UPB1: variants seen among roughly 807,000 people sequenced by gnomAD.
UPB1 encodes the protein beta-ureidopropionase.
Under a neutral mutation model 49.1 loss-of-function variants are expected in UPB1, and 40 were observed. The ratio of observed to expected loss-of-function variants is 0.81; its 90% CI spans 0.63 to 1.06. UPB1 has a LOEUF of 1.06. Ranked by LOEUF, UPB1 falls within the 50% of genes least tolerant of loss-of-function variation. The pLI, the probability that UPB1 is intolerant of heterozygous loss-of-function variation, is 0.00. For missense variants in UPB1, 499 were observed against 505.9 expected (o/e 0.99, Z 0.13); for synonymous variants, 207 against 198.2 (o/e 1.04, Z -0.38).
chr22:24,509,896 C>T (rs961153369), intron 3 of UPB1, among the ~76,000 whole-genome samples: 1 of 152,204 alleles, frequency 6.6e-6, no homozygotes, highest in African/African-American at 2.4e-5. Context: ...ATTATCCCCT[C>T]TTCTGGCCTC....
chr22:24,495,463 C>G lies in UPB1; in HGVS notation c.60C>G (p.Pro20=). The G allele has an allele frequency of 6.2e-7, 1 of 1,614,062 alleles. No homozygotes were observed. The highest frequency in any genetic ancestry group is 1.3e-5 in the African/African-American group (1 of 75,066). The change falls in exon 1 of 10, where the codon CCC becomes CCG. Residue 20 remains proline (P), a synonymous_variant. Transcript: ENST00000326010. ...EECLEKHLPL[P]DLQEVKRVLY... is the part of the protein sequence containing the mutation. ...GCTTGGAGAAGCACCTGCCGCTCCC[C>G]GACTTGCAGGAAGTGAAGCGCGTTC...
intron 7 of UPB1, 87 bp from the exon 8 acceptor site, chr22:24,521,899 T>TGCCCTGCTC (rs2044400229): frequency 2.1e-6 from 3 of 1,409,856 alleles, no homozygotes; most frequent in East Asian, 4.6e-5. Context: ...TCGGCCTGAT[T>TGCCCTGCTC]GCCCTGCTCA....
chr22:24,508,507 C>T (rs2044132954), intron 3 of UPB1, among the ~76,000 whole-genome samples: 1 of 151,416 alleles, frequency 6.6e-6, no homozygotes, highest in South Asian at 2.1e-4. Flanking sequence ...TGCAATGAGC[C>T]AAGATCGTGC....
rs151273647 is a variant in UPB1 at position 24,510,792 on chromosome 22, A to G, written c.408A>G (p.Thr136=). 21 of 1,614,126 alleles carry G rather than the reference A, an allele frequency of 1.3e-5. No individual in the cohort carries two copies. The highest frequency in any genetic ancestry group is 1.8e-5 in the Non-Finnish European group (21 of 1,180,054). ...GTACGAGAGAGAAGCTTCCTTGGAC[A>G]GAATTTGCTGAGTCAGCAGAGGATG... is the stretch of plus-strand genomic sequence containing the variant. The part of the protein sequence containing the change: ...AFCTREKLPW[T]EFAESAEDGP... The change falls in exon 4 of 10, where the codon ACA becomes ACG. Residue 136 remains threonine (T), a synonymous_variant. Coordinates refer to ENST00000326010, the MANE Select transcript of UPB1 (RefSeq NM_016327.3).
intron 1 of UPB1, among the ~76,000 whole-genome samples, chr22:24,499,184 C>G (rs1305475254): frequency 6.6e-6 from 1 of 152,140 alleles, no homozygotes; most frequent in East Asian, 1.9e-4. Context: ...GGGGCTTGGG[C>G]TGACAGGGCT....
At chr22:24,517,473 A>G (rs1158374197) in intron 6 of UPB1, among the ~76,000 whole-genome samples, 1 of 152,222 alleles carries the variant, frequency 6.6e-6, no homozygotes, top group African/African-American at 2.4e-5. Flanking sequence ...GGGTCCCTAG[A>G]GGAACCCGAA....
chr22:24,501,771 T>G (rs1384204602), intron 2 of UPB1, among the ~76,000 whole-genome samples: 2 of 151,676 alleles, frequency 1.3e-5, no homozygotes, highest in African/African-American at 2.4e-5. Flanking sequence ...GGGAGCGGAG[T>G]CCCGGGCCAA....
intron 6 of UPB1, among the ~76,000 whole-genome samples, chr22:24,518,708 T>A (rs2044338722): frequency 6.6e-6 from 1 of 152,222 alleles, no homozygotes; most frequent in Admixed American, 6.5e-5. Flanking sequence ...TACATAGTAG[T>A]GTCTGAATGC....
intron 6 of UPB1, chr22:24,518,251 G>A (rs748110504): frequency 2.0e-5 from 3 of 152,210 alleles, no homozygotes; most frequent in Non-Finnish European, 4.4e-5. Flanking sequence ...AAGTGTCTGA[G>A]CTAAGCACAT....
At chr22:24,516,394 TCTG>T in intron 6 of UPB1, 1 of 152,410 alleles carries the variant, frequency 6.6e-6, no homozygotes, top group Non-Finnish European at 1.5e-5. Flanking sequence ...ACTGCATGAC[TCTG>T]CTGCTGCTGC....
Position 24,522,047 on chromosome 22 carries a change from G to A in UPB1, c.916+19G>A. On this transcript the variant is annotated intron_variant, in intron 8 of 9. Transcript: ENST00000326010. ...AAGAAAGGTATGTCCCATGAACCAT[G>A]GTGGCTGCAGTTGAGGAGTGGGCCT... The A allele has an allele frequency of 6.2e-7, 1 of 1,613,414 alleles. No individual in the cohort carries two copies. The highest frequency in any genetic ancestry group is 1.1e-5 in the South Asian group (1 of 90,920).
intron 3 of UPB1, among the ~76,000 whole-genome samples, chr22:24,507,834 G>A (rs974870049): frequency 2.0e-5 from 3 of 152,012 alleles, no homozygotes; most frequent in Non-Finnish European, 4.4e-5. Context: ...GGCAGCTCAC[G>A]TTTGCATATT....
chr22:24,524,300 C>T (rs1052667412), intron 9 of UPB1, among the ~76,000 whole-genome samples: 6 of 152,126 alleles, frequency 3.9e-5, no homozygotes, highest in Non-Finnish European at 5.9e-5. Flanking sequence ...TTGTAAAATA[C>T]GGGGCTTAAC....
chr22:24,513,222 T>C lies in UPB1; in HGVS notation c.460-102T>C. On this transcript the variant is annotated intron_variant, in intron 4 of 9. Transcript: ENST00000326010. ...CCAAACAACAAATGCAAGTGGTTGC[T>C]CTGACCCAAGCCTATTGATTTAGTA... 2.6e-6 allele frequency: 4 copies of C among 1,565,932 alleles called. No individual in the cohort carries two copies. In the South Asian group the frequency reaches 4.6e-5, roughly 18 times the overall value.
At chr22:24,515,837 G>A (rs551915813) in intron 6 of UPB1, among the ~76,000 whole-genome samples, 25 of 152,254 alleles carry the variant, frequency 1.6e-4, no homozygotes, top group African/African-American at 5.3e-4. Flanking sequence ...TCAGCCAGGC[G>A]TGGTGGTGTG....
In UPB1 at chr22:24,520,576, G is replaced by A. The variant is rs554022632; in HGVS notation, c.873+108G>A. On this transcript the variant is annotated intron_variant, in intron 7 of 9. Transcript: ENST00000326010. ...CACAAATCCTAGGGTCCGGAAAGGGGTAAAACTGGCTTGGTCCGTTACTTT... is the reference window on the plus strand; with the variant it reads ...CACAAATCCTAGGGTCCGGAAAGGGATAAAACTGGCTTGGTCCGTTACTTT... The A allele has an allele frequency of 1.8e-3, 2,252 of 1,276,858 alleles. 5 individuals carry two copies. Among genetic ancestry groups the A allele is most frequent in the Non-Finnish European group, 2.1e-3 (1,860 of 903,684 alleles). 79.1% of individuals were successfully genotyped at this position (1,276,858 alleles called of 1,614,324 possible). A position where few individuals can be genotyped will look rare whatever the true frequency, so the allele number is the denominator to read the frequency against.
chr22:24,510,203 G>A (rs1173167176), intron 3 of UPB1, among the ~76,000 whole-genome samples: 4 of 150,852 alleles, frequency 2.7e-5, no homozygotes, highest in African/African-American at 9.8e-5. Flanking sequence ...ATTGTACTCT[G>A]GCCTGGGCAA....
At chr22:24,500,773 T>C (rs940534132) in intron 2 of UPB1, among the ~76,000 whole-genome samples, 8 of 152,208 alleles carry the variant, frequency 5.3e-5, no homozygotes, top group Non-Finnish European at 8.8e-5. Context: ...TCAGAGTTAG[T>C]AAATAAAGGT....
Position 24,526,079 on chromosome 22 carries a change from T to TG in UPB1, c.*285_*286insG. Reference sequence around the variant, plus strand: ...TTTGTTATGTAAATTTTACCTCAACTAAAAAAAAAAATGCCCAGGTACTGC... The same window carrying TG: ...TTTGTTATGTAAATTTTACCTCAACTGAAAAAAAAAAATGCCCAGGTACTGC... On this transcript the variant is annotated 3_prime_UTR_variant, in exon 10 of 10. Coordinates refer to ENST00000326010, the MANE Select transcript of UPB1 (RefSeq NM_016327.3). 2.7e-6 allele frequency: 1 copy of TG among 373,732 alleles called. No homozygotes were observed. The highest frequency in any genetic ancestry group is 2.1e-5 in the African/African-American group (1 of 46,524). 23.2% of individuals were successfully genotyped at this position (373,732 alleles called of 1,614,324 possible).
Sources: gnomAD v4.1 joint callset for allele counts (sites outside exome capture counted in the v4.1 genomes callset) on GRCh38, gnomAD v4.1.1 for gene constraint, MANE v1.5 for transcripts, NCBI Gene and HGNC (gene_info 2026-07-23, HGNC 2026-07-21) for gene names.